The following RBMS3 variants were observed in gnomAD, a reference collection of about 807,000 sequenced individuals.
RBMS3 encodes the protein RNA binding motif single stranded interacting protein 3.
RBMS3 carries 27 observed loss-of-function variants against 66.8 expected under a neutral mutation model. The ratio of observed to expected loss-of-function variants is 0.40; its 90% CI spans 0.30 to 0.56. The LOEUF is 0.56. RBMS3 is among the 20% of genes least tolerant of loss of function. RBMS3 has a pLI of 0.40. For missense variants in RBMS3, 513 were observed against 549.5 expected, an observed-to-expected ratio of 0.93 and a Z score of 0.66; for synonymous variants, 188 against 183.0, an observed-to-expected ratio of 1.03 and a Z score of -0.22.
chr3:29,805,277 T>C (rs1003366057), intron 6 of RBMS3, among the ~76,000 whole-genome samples: 2 of 152,086 alleles, frequency 1.3e-5, no homozygotes, highest in African/African-American at 4.8e-5. Flanking sequence ...CTTCCAGTCA[T>C]ATAAAAGTAT....
chr3:29,403,821 C>A (rs2039907814), intron 1 of RBMS3, among the ~76,000 whole-genome samples: 1 of 151,930 alleles, frequency 6.6e-6, no homozygotes, highest in Non-Finnish European at 1.5e-5. Flanking sequence ...ATAAAGGAGC[C>A]AACATATTTT....
Position 29,739,820 on chromosome 3 carries a change from T to C in RBMS3, c.500T>C (p.Ile167Thr). ...ENMLKPFGHV[I>T]STRILRDANG... ...ATGCTGAAACCCTTTGGACATGTCA[T>C]TTCCACAAGAATACTAAGAGACGCT... Residue 167 changes from isoleucine to threonine, a missense_variant, in exon 5 of 15, where the codon ATT becomes ACT. Physicochemically the swap from Ile to Thr is moderately conservative, Grantham distance 89. Transcript: ENST00000383767. 6.2e-7 allele frequency: 1 copy of C among 1,613,322 alleles called. No individual in the cohort carries two copies. Among genetic ancestry groups the C allele is most frequent in the Non-Finnish European group, 8.5e-7 (1 of 1,179,666 alleles).
chr3:29,446,247 G>T (rs1399433771), intron 2 of RBMS3, among the ~76,000 whole-genome samples: 1 of 152,078 alleles, frequency 6.6e-6, no homozygotes, highest in South Asian at 2.1e-4. Context: ...CCAGGTACAT[G>T]TTAAGCCCTC....
intron 4 of RBMS3, chr3:29,616,764 G>A (rs1439220686): frequency 1.3e-5 from 2 of 152,022 alleles, no homozygotes; most frequent in African/African-American, 2.4e-5. Context: ...ACATTCCTGG[G>A]AAAATAAATA....
At chr3:29,637,354 C>A (rs1475785489) in intron 4 of RBMS3, among the ~76,000 whole-genome samples, 1 of 151,774 alleles carries the variant, frequency 6.6e-6, no homozygotes, top group Non-Finnish European at 1.5e-5. Flanking sequence ...CCCACCACCA[C>A]CTCCGAAAGA....
At chr3:29,513,069 C>G (rs914412520) in intron 3 of RBMS3, among the ~76,000 whole-genome samples, 2 of 152,162 alleles carry the variant, frequency 1.3e-5, no homozygotes. Context: ...AAAGGAGCAG[C>G]TAGAGATTTG....
chr3:29,543,063 A>T (rs1377326089), intron 3 of RBMS3, among the ~76,000 whole-genome samples: 1 of 152,190 alleles, frequency 6.6e-6, no homozygotes, highest in Non-Finnish European at 1.5e-5. Flanking sequence ...CTTTCTAGAA[A>T]ATGGGCAGAG....
intron 8 of RBMS3, among the ~76,000 whole-genome samples, chr3:29,888,334 C>T (rs1488443670): frequency 6.6e-6 from 1 of 151,550 alleles, no homozygotes; most frequent in East Asian, 1.9e-4. Flanking sequence ...AATCTCATAT[C>T]TCTAATATCA....
rs202035826 is a variant in RBMS3 at position 29,782,663 on chromosome 3, T to C, written c.637+19674T>C. 2.0e-5 allele frequency among the ~76,000 whole-genome samples: 3 copies of C among 152,210 alleles called. No homozygotes were observed. The South Asian group carries it at 6.2e-4, about 32-fold the overall frequency. On this transcript the variant is annotated intron_variant, in intron 6 of 14. Coordinates refer to ENST00000383767, the MANE Select transcript of RBMS3 (RefSeq NM_001003793.3). Reference sequence around the variant, plus strand: ...AAAGATCATGTCAGTTCACCAGCAATGAATCCAAAACAAGACAAAATCTCT... The same window carrying C: ...AAAGATCATGTCAGTTCACCAGCAACGAATCCAAAACAAGACAAAATCTCT...
chr3:29,805,601 T>C (rs1335050459), intron 6 of RBMS3, among the ~76,000 whole-genome samples: 3 of 151,952 alleles, frequency 2.0e-5, no homozygotes, highest in African/African-American at 7.2e-5. Context: ...TAGGGTAATA[T>C]GCATATTTGT....
intron 4 of RBMS3, chr3:29,697,162 G>C (rs1347637044): frequency 2.1e-6 from 2 of 940,636 alleles, no homozygotes; most frequent in Non-Finnish European, 1.3e-6. Context: ...ATCTAAGTTT[G>C]GGAAAATTTT....
chr3:29,510,183 C>A (rs1165135405), intron 3 of RBMS3, among the ~76,000 whole-genome samples: 1 of 152,188 alleles, frequency 6.6e-6, no homozygotes, highest in Non-Finnish European at 1.5e-5. Context: ...CTTGTTATTT[C>A]ATTCTTTATC....
chr3:29,506,587 C>G (rs1019738433), intron 3 of RBMS3, among the ~76,000 whole-genome samples: 1 of 151,944 alleles, frequency 6.6e-6, no homozygotes, highest in Non-Finnish European at 1.5e-5. Context: ...AAAATGCTGG[C>G]CCTATAAAAT....
chr3:29,853,430 T>C (rs970220739), intron 6 of RBMS3, among the ~76,000 whole-genome samples: 2 of 142,814 alleles, frequency 1.4e-5, no homozygotes, highest in Non-Finnish European at 3.0e-5. Flanking sequence ...TTTCTTTTTT[T>C]TTTTTTTTTT....
intron 1 of RBMS3, among the ~76,000 whole-genome samples, chr3:29,353,204 T>C (rs958915377): frequency 2.0e-5 from 3 of 151,962 alleles, no homozygotes; most frequent in African/African-American, 7.2e-5. Flanking sequence ...TCTTATCTGA[T>C]TGCATTATCT....
intron 8 of RBMS3, among the ~76,000 whole-genome samples, chr3:29,884,470 C>CTCTT (rs1491200120): frequency 4.0e-4 from 28 of 70,548 alleles, no homozygotes; most frequent in Admixed American, 1.9e-3. Context: ...CTCTCTCTCT[C>CTCTT]CCCCCCCGCT....
intron 6 of RBMS3, among the ~76,000 whole-genome samples, chr3:29,764,591 A>C (rs2149385643): frequency 6.6e-6 from 1 of 152,150 alleles, no homozygotes; most frequent in Middle Eastern, 3.4e-3. Flanking sequence ...ATTATGAATG[A>C]TTCAAGTTTT....
intron 6 of RBMS3, among the ~76,000 whole-genome samples, chr3:29,795,641 C>T (rs548919331): frequency 6.6e-6 from 1 of 152,224 alleles, no homozygotes; most frequent in Non-Finnish European, 1.5e-5. Flanking sequence ...AGATTCTAAT[C>T]CATAATACAG....
chr3:29,396,199 C>T (rs918692879), intron 1 of RBMS3, among the ~76,000 whole-genome samples: 15 of 151,926 alleles, frequency 9.9e-5, no homozygotes, highest in Admixed American at 4.6e-4. Flanking sequence ...GTTCCAGCCA[C>T]GAATCATGCA....
Sources: allele counts gnomAD v4.1 joint callset (sites outside exome capture counted in the v4.1 genomes callset), GRCh38; gene constraint gnomAD v4.1.1; transcripts MANE v1.5; gene names NCBI Gene and HGNC (gene_info 2026-07-23, HGNC 2026-07-21).